Variants in SLC49A4 observed in about 807,000 individuals in gnomAD.
SLC49A4 encodes the protein disrupted in renal cancer protein 2.
A neutral mutation model predicts 50.6 loss-of-function variants in SLC49A4; 36 were observed. The observed-to-expected ratio is 0.71, with a 90% confidence interval of 0.55 to 0.94. The LOEUF (loss-of-function observed/expected upper bound fraction) is 0.94, where lower values mean the gene tolerates loss of function less well. Ranked by LOEUF, SLC49A4 falls within the 40% of genes least tolerant of loss-of-function variation. The pLI is 0.00. For missense variants in SLC49A4, 503 were observed against 605.7 expected, an observed-to-expected ratio of 0.83 and a Z score of 1.78; for synonymous variants, 248 against 241.2, an observed-to-expected ratio of 1.03 and a Z score of -0.26.
chr3:122,868,799 A>G (rs1271580148), intron 7 of SLC49A4, among the ~76,000 whole-genome samples: 1 of 152,182 alleles, frequency 6.6e-6, no homozygotes, highest in Non-Finnish European at 1.5e-5. Flanking sequence ...CATCACTTTT[A>G]TGGTAATACA....
At chr3:122,861,102 C>T (rs1937053964) in intron 7 of SLC49A4, among the ~76,000 whole-genome samples, 1 of 152,154 alleles carries the variant, frequency 6.6e-6, no homozygotes, top group Non-Finnish European at 1.5e-5. Context: ...TCCTCTTCCA[C>T]TTTTAAGGAT....
At position 122,866,707 on chromosome 3, in the gene SLC49A4, C is replaced by A. The variant is rs557549126; in HGVS notation, c.1139-5708C>A. On this transcript the variant is annotated intron_variant, in intron 7 of 8. Coordinates refer to ENST00000261038, the MANE Select transcript of SLC49A4 (RefSeq NM_032839.3). Reference sequence around the variant, plus strand: ...TGACCTTAGCTTTTAATCTAACCATCCCCCCCTGCCCCCGACCCCATTCTT... The same window carrying A: ...TGACCTTAGCTTTTAATCTAACCATACCCCCCTGCCCCCGACCCCATTCTT... Among the ~76,000 whole-genome samples, 187 of 151,966 alleles carry A rather than the reference C, an allele frequency of 1.2e-3. No homozygotes were observed. The Middle Eastern group carries it at 0.017, about 14-fold the overall frequency.
rs1936764502 is a variant in SLC49A4 at position 122,841,156 on chromosome 3, T to A, written c.834-4607T>A. Among the ~76,000 whole-genome samples, 5 of 152,344 alleles carry A rather than the reference T, an allele frequency of 3.3e-5. No homozygotes were observed. In the South Asian group the frequency reaches 1.0e-3, roughly 32 times the overall value. On this transcript the variant is annotated intron_variant, in intron 4 of 8. Coordinates refer to ENST00000261038, the MANE Select transcript of SLC49A4 (RefSeq NM_032839.3). ...ACTAATTTTCTTGATTCTTTTTTGA[T>A]CTGAAAAGAAACGTCTATAAAATTG...
rs77819385 is a variant in SLC49A4, at chr3:122,817,747, A to ATTTTT, written c.438-9029_438-9025dup. Among the ~76,000 whole-genome samples the ATTTTT allele has an allele frequency of 3.3e-4, 24 of 71,896 alleles. 1 individual carries two copies. Among genetic ancestry groups the ATTTTT allele is most frequent in the East Asian group, 1.0e-3 (2 of 1,972 alleles). 47.2% of individuals were successfully genotyped at this position (71,896 alleles called of 152,430 possible). A position where few individuals can be genotyped will look rare whatever the true frequency, so the allele number is the denominator to read the frequency against. ...AGGCATGTGCCACCACACCCAGCTA[A>ATTTTT]TTTTTTTTTTTTTTTTTTTTTTTTT... is the stretch of plus-strand genomic sequence containing the variant. On this transcript the variant is annotated intron_variant, in intron 2 of 8. Transcript: ENST00000261038.
At chr3:122,860,337 A>C in intron 7 of SLC49A4, 135 bp downstream of exon 7, 1 of 776,566 alleles carries the variant, frequency 1.3e-6, no homozygotes, top group Non-Finnish European at 1.8e-6. Context: ...TTGTCCAGTC[A>C]TCAAACCATC....
intron 5 of SLC49A4, among the ~76,000 whole-genome samples, chr3:122,852,799 A>G (rs917236860): frequency 1.3e-5 from 2 of 152,162 alleles, no homozygotes; most frequent in East Asian, 3.9e-4. Flanking sequence ...ATAACTTCTC[A>G]GTCCCTTAGC....
Position 122,833,410 on chromosome 3 carries a change from G to A in SLC49A4, c.797G>A (p.Arg266Gln), listed in dbSNP as rs771703401. The stretch of plus-strand genomic sequence containing the variant: ...CCCAGTGTTGCTGCAGCTAGCCAGC[G>A]GCTGAGTTATCGGAGAAGCGTTTGT... ...LPPSVAAASQ[R>Q]LSYRRSVCRL... Residue 266 changes from arginine to glutamine, a missense_variant, in exon 4 of 9, where the codon CGG becomes CAG. Coordinates refer to ENST00000261038, the MANE Select transcript of SLC49A4 (RefSeq NM_032839.3). The A allele has an allele frequency of 8.1e-6, 13 of 1,613,320 alleles. No individual in the cohort carries two copies. Among genetic ancestry groups the A allele is most frequent in the African/African-American group, 4.0e-5 (3 of 74,832 alleles).
intron 4 of SLC49A4, among the ~76,000 whole-genome samples, chr3:122,840,587 A>G (rs1407212071): frequency 6.6e-6 from 1 of 152,196 alleles, no homozygotes; most frequent in African/African-American, 2.4e-5. Context: ...TTATTTTAAC[A>G]TGTAATCAAT....
intron 2 of SLC49A4, among the ~76,000 whole-genome samples, chr3:122,822,097 C>T (rs1164485630): frequency 2.6e-5 from 4 of 152,160 alleles, no homozygotes; most frequent in African/African-American, 7.2e-5. Context: ...TCCTGACCTA[C>T]AAGGACCTTA....
chr3:122,814,842 T>TA, intron 2 of SLC49A4, among the ~76,000 whole-genome samples: 1 of 152,260 alleles, frequency 6.6e-6, no homozygotes, highest in South Asian at 2.1e-4. Flanking sequence ...TAGTGTATTT[T>TA]ATGTGTGGCC....
At chr3:122,800,280 CT>C (rs1293987025) in intron 1 of SLC49A4, among the ~76,000 whole-genome samples, 2 of 152,152 alleles carry the variant, frequency 1.3e-5, no homozygotes, top group African/African-American at 4.8e-5. Context: ...CTAGTAAGGA[CT>C]GAGAATAGAG....
rs529785173 is a variant in SLC49A4, at chr3:122,804,155, A to G, written c.344-2702A>G. 1.2e-4 allele frequency among the ~76,000 whole-genome samples: 18 copies of G among 152,352 alleles called. No homozygotes were observed. In the East Asian group the frequency reaches 2.7e-3, roughly 23 times the overall value. ...CCAGGGAGGCCACAGGAAGCTTACAATCATAACAGAAGGTGAAGGGGGAGC... is the reference window on the plus strand; with the variant it reads ...CCAGGGAGGCCACAGGAAGCTTACAGTCATAACAGAAGGTGAAGGGGGAGC... On this transcript the variant is annotated intron_variant, in intron 1 of 8. Coordinates refer to ENST00000261038, the MANE Select transcript of SLC49A4 (RefSeq NM_032839.3).
At chr3:122,821,090 T>A (rs1337793862) in intron 2 of SLC49A4, among the ~76,000 whole-genome samples, 1 of 152,224 alleles carries the variant, frequency 6.6e-6, no homozygotes, top group Non-Finnish European at 1.5e-5. Flanking sequence ...CTGCACACAC[T>A]GTCTTGCCTG....
intron 3 of SLC49A4, among the ~76,000 whole-genome samples, chr3:122,829,629 A>G (rs146500535): frequency 6.6e-6 from 1 of 152,332 alleles, no homozygotes; most frequent in East Asian, 1.9e-4. Context: ...ACATGCCTGT[A>G]ATCCCAGTTA....
intron 3 of SLC49A4, among the ~76,000 whole-genome samples, chr3:122,830,817 C>G (rs953495106): frequency 2.0e-5 from 3 of 152,062 alleles, no homozygotes; most frequent in Non-Finnish European, 4.4e-5. Context: ...TTTTGTGCTT[C>G]AAAGAACCCA....
chr3:122,796,026 A>G (rs1936032625), intron 1 of SLC49A4, among the ~76,000 whole-genome samples: 1 of 152,206 alleles, frequency 6.6e-6, no homozygotes, highest in Admixed American at 6.5e-5. Context: ...CAGATCTGAC[A>G]CTTTGGTTTC....
At chr3:122,855,464 C>T (rs1936975743) in intron 5 of SLC49A4, among the ~76,000 whole-genome samples, 1 of 152,106 alleles carries the variant, frequency 6.6e-6, no homozygotes, top group Admixed American at 6.5e-5. Context: ...TTATTTAACC[C>T]TCAGAAAAAC....
At position 122,833,411 on chromosome 3, in the gene SLC49A4, G is replaced by A. The variant is rs772756731; in HGVS notation, c.798G>A (p.Arg266=). The change falls in exon 4 of 9, where the codon CGG becomes CGA. Residue 266 remains arginine (R), a synonymous_variant. Transcript: ENST00000261038. ...CCAGTGTTGCTGCAGCTAGCCAGCG[G>A]CTGAGTTATCGGAGAAGCGTTTGTA... ...LPPSVAAASQ[R]LSYRRSVCRL... 13 of 1,613,572 alleles carry A rather than the reference G, an allele frequency of 8.1e-6. No homozygotes were observed. The South Asian group carries it at 1.3e-4, about 16-fold the overall frequency.
intron 7 of SLC49A4, among the ~76,000 whole-genome samples, chr3:122,861,854 A>G (rs535540008): frequency 2.0e-5 from 3 of 152,370 alleles, no homozygotes; most frequent in African/African-American, 7.2e-5. Flanking sequence ...CAGCACAGGG[A>G]TCTGCAACAT....
Sources: allele counts gnomAD v4.1 joint callset (sites outside exome capture counted in the v4.1 genomes callset), GRCh38; gene constraint gnomAD v4.1.1; transcripts MANE v1.5; gene names NCBI Gene and HGNC (gene_info 2026-07-23, HGNC 2026-07-21).